Variants in GLIS1 observed in about 807,000 individuals in gnomAD.
The protein encoded by GLIS1 is zinc finger protein GLIS1.
A neutral mutation model predicts 63.8 loss-of-function variants in GLIS1; 24 were observed. The ratio of observed to expected loss-of-function variants is 0.38; its 90% CI spans 0.27 to 0.53. The LOEUF is 0.53. GLIS1 is among the 20% of genes least tolerant of loss of function. The pLI, the probability that GLIS1 is intolerant of heterozygous loss-of-function variation, is 0.85. For synonymous variants in GLIS1, 450 were observed against 482.5 expected (o/e 0.93, Z 0.88); for missense variants, 1,036 against 1,074.1 (o/e 0.96, Z 0.50).
At chr1:53,700,824 T>G (rs183712574) in intron 2 of GLIS1, among the ~76,000 whole-genome samples, 55 of 152,330 alleles carry the variant, frequency 3.6e-4, no homozygotes, top group African/African-American at 1.3e-3. Flanking sequence ...ATTTTCTGTC[T>G]CCATAGATTT....
At chr1:53,534,322 G>A (rs944312233) in intron 4 of GLIS1, among the ~76,000 whole-genome samples, 2 of 152,028 alleles carry the variant, frequency 1.3e-5, no homozygotes, top group Non-Finnish European at 2.9e-5. Context: ...TGATTCCATG[G>A]GGCCTGCACC....
At chr1:53,512,674 C>T (rs1478337623) in intron 8 of GLIS1, among the ~76,000 whole-genome samples, 1 of 152,184 alleles carries the variant, frequency 6.6e-6, no homozygotes, top group Non-Finnish European at 1.5e-5. Context: ...AGGCTCCTAC[C>T]CGCAGGCAGG....
chr1:53,608,916 G>A (rs1430976933), intron 2 of GLIS1, among the ~76,000 whole-genome samples: 1 of 152,156 alleles, frequency 6.6e-6, no homozygotes, highest in Non-Finnish European at 1.5e-5. Context: ...TGTGAATGAG[G>A]ATGCATGCAG....
chr1:53,685,302 G>A (rs1023661588), intron 2 of GLIS1, among the ~76,000 whole-genome samples: 17 of 152,186 alleles, frequency 1.1e-4, no homozygotes, highest in African/African-American at 2.7e-4. Context: ...TTTGGAGCCC[G>A]CGGACATACC....
At chr1:53,517,094 G>A (rs1036964304) in intron 7 of GLIS1, among the ~76,000 whole-genome samples, 7 of 152,130 alleles carry the variant, frequency 4.6e-5, no homozygotes, top group African/African-American at 1.7e-4. Flanking sequence ...ATATTAACAA[G>A]TTGAATGACT....
chr1:53,664,546 G>A (rs1570011180), intron 2 of GLIS1, among the ~76,000 whole-genome samples: 1 of 152,160 alleles, frequency 6.6e-6, no homozygotes, highest in Non-Finnish European at 1.5e-5. Context: ...TTCATTTAAG[G>A]CACAGTTACT....
At chr1:53,616,225 A>T (rs1035605154) in intron 2 of GLIS1, among the ~76,000 whole-genome samples, 1 of 152,150 alleles carries the variant, frequency 6.6e-6, no homozygotes, top group African/African-American at 2.4e-5. Flanking sequence ...CCCGGCCTAA[A>T]TTTTCAGGGA....
intron 2 of GLIS1, among the ~76,000 whole-genome samples, chr1:53,667,130 G>A (rs1212496772): frequency 6.6e-6 from 1 of 152,170 alleles, no homozygotes; most frequent in African/African-American, 2.4e-5. Flanking sequence ...AGATTCGAAG[G>A]ACTAAAAGCA....
At chr1:53,625,700 T>A (rs1324774539) in intron 2 of GLIS1, among the ~76,000 whole-genome samples, 1 of 152,198 alleles carries the variant, frequency 6.6e-6, no homozygotes, top group Non-Finnish European at 1.5e-5. Flanking sequence ...AAAATCTTAA[T>A]CCTCACATTT....
At chr1:53,631,407 T>A (rs1031936747) in intron 2 of GLIS1, among the ~76,000 whole-genome samples, 6 of 152,232 alleles carry the variant, frequency 3.9e-5, no homozygotes, top group Admixed American at 1.3e-4. Context: ...GTTTCCACCA[T>A]CTCTGAGCAA....
chr1:53,534,407 C>T (rs1365695097), intron 4 of GLIS1, among the ~76,000 whole-genome samples: 1 of 152,044 alleles, frequency 6.6e-6, no homozygotes, highest in African/African-American at 2.4e-5. Flanking sequence ...TTGTCCTGGA[C>T]AGACACCTGC....
At position 53,511,637 on chromosome 1, in the gene GLIS1, T is replaced by C. The variant is rs1644299269; in HGVS notation, c.1884-1610A>G. On this transcript the variant is annotated intron_variant, in intron 8 of 10. Transcript: ENST00000628545. This position sits in a 1 kb window ranked among gnomAD's most constrained non-coding sequence, Gnocchi z 4.2. The stretch of plus-strand genomic sequence containing the variant: ...TCCTCATCACACCTCCAGGAATAAA[T>C]TATCATTATCATCATCATTATTTTT... Among the ~76,000 whole-genome samples, 1 of 152,108 alleles carries C rather than the reference T, an allele frequency of 6.6e-6. No individual in the cohort carries two copies. Among genetic ancestry groups the C allele is most frequent in the Non-Finnish European group, 1.5e-5 (1 of 68,004 alleles).
In GLIS1 at chr1:53,512,744, C is replaced by T. The variant is rs117620383; in HGVS notation, c.1883+1881G>A. Among the ~76,000 whole-genome samples, 42 of 152,266 alleles carry T rather than the reference C, an allele frequency of 2.8e-4. No homozygotes were observed. In the East Asian group the frequency reaches 7.1e-3, roughly 26 times the overall value. On this transcript the variant is annotated intron_variant, in intron 8 of 10. Transcript: ENST00000628545. ...CTGCTTCTCACTGCAGAATTCTTGA[C>T]GGGCACTTATGCAGGCGGCAGGCAG...
At chr1:53,661,270 G>A (rs777060011) in intron 2 of GLIS1, among the ~76,000 whole-genome samples, 1 of 152,096 alleles carries the variant, frequency 6.6e-6, no homozygotes, top group African/African-American at 2.4e-5. Context: ...CTTCTTGGAG[G>A]AGGGGGCACT....
chr1:53,597,369 A>G lies in GLIS1; in HGVS notation c.438-2379T>C, dbSNP rs888367620. The stretch of plus-strand genomic sequence containing the variant: ...GCCTGGGCGACACAGCGAGACCCAG[A>G]AAAAAAAAAAAAAAAAAGTGCTTGG... On this transcript the variant is annotated intron_variant, in intron 3 of 10. Coordinates refer to ENST00000628545, the MANE Select transcript of GLIS1 (RefSeq NM_001367484.1). 2.3e-4 allele frequency among the ~76,000 whole-genome samples: 27 copies of G among 115,832 alleles called. No individual in the cohort carries two copies. The South Asian group carries it at 3.9e-3, about 17-fold the overall frequency. 76.0% of individuals were successfully genotyped at this position (115,832 alleles called of 152,430 possible). A position where few individuals can be genotyped will look rare whatever the true frequency, so the allele number is the denominator to read the frequency against.
chr1:53,715,266 G>T (rs1363829372), intron 2 of GLIS1, among the ~76,000 whole-genome samples: 1 of 152,198 alleles, frequency 6.6e-6, no homozygotes, highest in Non-Finnish European at 1.5e-5. Context: ...GATCAGAGAA[G>T]ACCCTTCTGG....
In GLIS1 at chr1:53,506,389, G is replaced by A. The variant is rs1019514969; in HGVS notation, c.*230C>T. On this transcript the variant is annotated 3_prime_UTR_variant, in exon 11 of 11. Transcript: ENST00000628545. ...AACGGGAAGACAAGATCGAGGGAAT[G>A]TTACAGGGCCACAGATCCTGGCGGG... 1.9e-6 allele frequency: 1 copy of A among 525,490 alleles called. No homozygotes were observed. Among genetic ancestry groups the A allele is most frequent in the African/African-American group, 1.9e-5 (1 of 53,060 alleles). 32.6% of individuals were successfully genotyped at this position (525,490 alleles called of 1,614,324 possible). A position where few individuals can be genotyped will look rare whatever the true frequency, so the allele number is the denominator to read the frequency against.
At chr1:53,681,196 G>A (rs954021110) in intron 2 of GLIS1, among the ~76,000 whole-genome samples, 26 of 152,264 alleles carry the variant, frequency 1.7e-4, no homozygotes, top group African/African-American at 5.3e-4. Context: ...TTCTGAGTTC[G>A]TGGCTGCGTG....
chr1:53,667,913 A>G (rs747481349), intron 2 of GLIS1, among the ~76,000 whole-genome samples: 5 of 152,176 alleles, frequency 3.3e-5, no homozygotes, highest in African/African-American at 1.2e-4. Context: ...ACCATTGTAC[A>G]TGGCTTCAAT....
Sources: allele counts gnomAD v4.1 joint callset (sites outside exome capture counted in the v4.1 genomes callset), GRCh38; gene constraint gnomAD v4.1.1; non-coding constraint Gnocchi (gnomAD v3.1); transcripts MANE v1.5; gene names NCBI Gene and HGNC (gene_info 2026-07-23, HGNC 2026-07-21).